Variants in PTPRN2 observed in about 807,000 individuals in gnomAD.
PTPRN2 encodes the protein receptor-type tyrosine-protein phosphatase N2.
Under a neutral mutation model 118.8 loss-of-function variants are expected in PTPRN2, and 74 were observed. The observed-to-expected ratio is 0.62, with a 90% CI of 0.52 to 0.76. The LOEUF (loss-of-function observed/expected upper bound fraction) is 0.76, where lower values mean the gene tolerates loss of function less well. Ranked by LOEUF, PTPRN2 falls within the 30% of genes least tolerant of loss-of-function variation. The pLI is 0.00. For synonymous variants in PTPRN2, 641 were observed against 608.0 expected, an observed-to-expected ratio of 1.05 and a Z score of -0.80; for missense variants, 1,481 against 1,394.4, an observed-to-expected ratio of 1.06 and a Z score of -0.99.
At chr7:157,998,716 G>A (rs572567405) in intron 11 of PTPRN2, among the ~76,000 whole-genome samples, 7 of 151,874 alleles carry the variant, frequency 4.6e-5, no homozygotes, top group African/African-American at 9.7e-5. Flanking sequence ...CCAGCTACTC[G>A]GGATGCTGTG....
At chr7:158,222,765 T>C (rs6948273) in intron 3 of PTPRN2, among the ~76,000 whole-genome samples, 76,018 of 151,906 alleles carry the variant, frequency 0.5, 20,509 homozygotes, top group African/African-American at 0.72. Flanking sequence ...CTGAATTCTT[T>C]AAGAATCTGT....
intron 6 of PTPRN2, among the ~76,000 whole-genome samples, chr7:158,149,527 G>A (rs1476425978): frequency 6.6e-6 from 1 of 152,168 alleles, no homozygotes. Context: ...AGCCCGGCTG[G>A]GCGCAGTGGC....
intron 12 of PTPRN2, among the ~76,000 whole-genome samples, chr7:157,807,685 T>C (rs980359601): frequency 9.2e-5 from 14 of 152,224 alleles, no homozygotes; most frequent in Non-Finnish European, 2.1e-4. Flanking sequence ...AGCTTTGTAC[T>C]GAACACTGCA....
At chr7:158,300,202 G>T (rs116338198) in intron 3 of PTPRN2, among the ~76,000 whole-genome samples, 1 of 152,116 alleles carries the variant, frequency 6.6e-6, no homozygotes, top group Non-Finnish European at 1.5e-5. Flanking sequence ...AAACAAATGC[G>T]GAAATGATTG....
chr7:158,332,704 C>A (rs1804740032), intron 2 of PTPRN2, among the ~76,000 whole-genome samples: 2 of 151,010 alleles, frequency 1.3e-5, no homozygotes, highest in African/African-American at 2.5e-5. Context: ...GAGTTGACAC[C>A]TGCAGATGTC....
intron 11 of PTPRN2, among the ~76,000 whole-genome samples, chr7:158,070,290 GT>G (rs1811109126): frequency 7.1e-6 from 1 of 140,930 alleles, no homozygotes; most frequent in African/African-American, 3.1e-5. Flanking sequence ...GGAGGTGCTC[GT>G]GGTGGTGGAG....
At chr7:158,081,257 C>T (rs560725207) in intron 11 of PTPRN2, 41 bp downstream of exon 11, 3 of 1,541,258 alleles carry the variant, frequency 1.9e-6, no homozygotes, top group South Asian at 1.1e-5. Flanking sequence ...TGTGTGCACA[C>T]ACGTGTGTGT....
chr7:157,664,411 T>A (rs10234200), intron 13 of PTPRN2, among the ~76,000 whole-genome samples: 1 of 152,116 alleles, frequency 6.6e-6, no homozygotes, highest in Non-Finnish European at 1.5e-5. Flanking sequence ...TGTCAGCCAG[T>A]GACAGAAATG....
chr7:158,569,571 C>T (rs1186686329), intron 1 of PTPRN2, among the ~76,000 whole-genome samples: 1 of 152,222 alleles, frequency 6.6e-6, no homozygotes. Flanking sequence ...GAAGAGGGGA[C>T]ACGGAGGCAG....
chr7:158,174,916 A>C (rs1259197096), intron 5 of PTPRN2, among the ~76,000 whole-genome samples: 2 of 152,076 alleles, frequency 1.3e-5, no homozygotes, highest in East Asian at 1.9e-4. Context: ...GGAGTACCAG[A>C]GCTAAAAATC....
chr7:157,669,215 T>A (rs772305018), intron 13 of PTPRN2, among the ~76,000 whole-genome samples: 6 of 152,200 alleles, frequency 3.9e-5, no homozygotes, highest in Non-Finnish European at 7.3e-5. Context: ...CGCCCCTGAA[T>A]GCCAGGGGAG....
chr7:158,522,573 G>A (rs145821748), intron 1 of PTPRN2, among the ~76,000 whole-genome samples: 107 of 152,336 alleles, frequency 7.0e-4, no homozygotes, highest in East Asian at 5.4e-3. Context: ...TGTGTACAGC[G>A]AATCGCTCTC....
intron 11 of PTPRN2, among the ~76,000 whole-genome samples, chr7:158,000,224 A>G (rs1329804103): frequency 2.0e-5 from 3 of 152,172 alleles, no homozygotes; most frequent in Admixed American, 1.3e-4. Flanking sequence ...TGCCTCACTA[A>G]TAAAACTTCT....
chr7:158,572,694 T>A (rs1049465325), intron 1 of PTPRN2, among the ~76,000 whole-genome samples: 1 of 152,230 alleles, frequency 6.6e-6, no homozygotes, highest in Non-Finnish European at 1.5e-5. Context: ...ATACATTTTG[T>A]CCAGATCTGT....
At chr7:158,171,238 T>TACACATATATAC (rs1823595178) in intron 5 of PTPRN2, among the ~76,000 whole-genome samples, 5 of 63,920 alleles carry the variant, frequency 7.8e-5, no homozygotes, top group South Asian at 5.3e-4. Flanking sequence ...CACATATATA[T>TACACATATATAC]ACACATATAT....
At chr7:158,510,662 T>C (rs1226164094) in intron 1 of PTPRN2, among the ~76,000 whole-genome samples, 3 of 152,254 alleles carry the variant, frequency 2.0e-5, no homozygotes, top group African/African-American at 7.2e-5. Flanking sequence ...GAAATTCTCC[T>C]ATTTGATAAA....
chr7:158,472,567 C>A (rs1405375384), intron 2 of PTPRN2, among the ~76,000 whole-genome samples: 1 of 152,136 alleles, frequency 6.6e-6, no homozygotes, highest in African/African-American at 2.4e-5. Context: ...GCACCCAGGC[C>A]TGGAATAGAG....
At chr7:157,843,048 C>G (rs1808549836) in intron 12 of PTPRN2, among the ~76,000 whole-genome samples, 1 of 152,082 alleles carries the variant, frequency 6.6e-6, no homozygotes, top group South Asian at 2.1e-4. Context: ...ACGACTTTTC[C>G]CCTGTAAAAT....
At chr7:157,887,304 A>C (rs1796508719) in intron 12 of PTPRN2, among the ~76,000 whole-genome samples, 1 of 152,046 alleles carries the variant, frequency 6.6e-6, no homozygotes, top group Admixed American at 6.5e-5. Context: ...TTTTCTTAGG[A>C]CTGAGGCACT....
Sources: allele counts gnomAD v4.1 joint callset (sites outside exome capture counted in the v4.1 genomes callset), GRCh38; gene constraint gnomAD v4.1.1; transcripts MANE v1.5; gene names NCBI Gene and HGNC (gene_info 2026-07-23, HGNC 2026-07-21).